Variants in TCF20 observed in about 807,000 individuals in gnomAD.
TCF20 encodes transcription factor 20, also known as SPRE-binding protein.
A neutral mutation model predicts 148.6 loss-of-function variants in TCF20; 3 were observed. That is an observed-to-expected ratio of 0.02 (90% CI 0.01 to 0.05). The LOEUF (loss-of-function observed/expected upper bound fraction) is 0.05. Among genes scored for constraint, TCF20 ranks in the 10% least tolerant of loss-of-function variants. TCF20 has a pLI of 1.00. For missense variants in TCF20, 2,350 were observed against 2,429.3 expected (o/e 0.97, Z 0.69); for synonymous variants, 1,049 against 909.5 (o/e 1.15, Z -2.76).
At chr22:42,293,665 C>A (rs1662248363) in intron 1 of TCF20, among the ~76,000 whole-genome samples, 1 of 152,238 alleles carries the variant, frequency 6.6e-6, no homozygotes, top group African/African-American at 2.4e-5. Context: ...TAAGGGCAGG[C>A]CTGGGGAGGC....
chr22:42,201,565 C>T (rs891364717), intron 2 of TCF20, among the ~76,000 whole-genome samples: 3 of 152,014 alleles, frequency 2.0e-5, no homozygotes, highest in Non-Finnish European at 2.9e-5. Context: ...GTCAGGAGTT[C>T]GAGATCAGCC....
intron 1 of TCF20, among the ~76,000 whole-genome samples, chr22:42,248,730 G>A (rs549635942): frequency 3.3e-5 from 5 of 152,132 alleles, no homozygotes; most frequent in Non-Finnish European, 7.4e-5. Flanking sequence ...AATCCCAAAA[G>A]CCGAATTTTG....
Position 42,214,602 on chromosome 22 carries a change from T to TAAG in TCF20, c.703_704insCTT (p.His234_Tyr235insSer). The TAAG allele has an allele frequency of 1.2e-6, 2 of 1,614,086 alleles. No individual in the cohort carries two copies. The highest frequency in any genetic ancestry group is 1.7e-6 in the Non-Finnish European group (2 of 1,180,012). ...GGAGGAGGAGGAAGCAGAAGACTGA[T>TAAG]AGTGTTGGCCAAACTGACCCACTCT... On this transcript the variant is annotated inframe_insertion, in exon 2 of 6. Transcript: ENST00000677622.
Position 42,249,567 on chromosome 22 carries a change from T to C in TCF20, c.-37+20772A>G, listed in dbSNP as rs533068982. 1.5e-4 allele frequency among the ~76,000 whole-genome samples: 23 copies of C among 152,350 alleles called. No homozygotes were observed. In the South Asian group the frequency reaches 4.8e-3, roughly 32 times the overall value. On this transcript the variant is annotated intron_variant, in intron 1 of 5. Transcript: ENST00000677622. Reference sequence around the variant, plus strand: ...TAAAAGTTTAAAAGCTAATTATCACTGGTGCTGCAAAAGCAGAAATTGCAA... The same window carrying C: ...TAAAAGTTTAAAAGCTAATTATCACCGGTGCTGCAAAAGCAGAAATTGCAA...
intron 1 of TCF20, among the ~76,000 whole-genome samples, chr22:42,242,706 G>A (rs1165651644): frequency 6.6e-6 from 1 of 152,050 alleles, no homozygotes; most frequent in Non-Finnish European, 1.5e-5. Flanking sequence ...GGCCAACATG[G>A]TGAAACCCCA....
chr22:42,193,315 C>T (rs1345552064), intron 2 of TCF20, among the ~76,000 whole-genome samples: 2 of 149,784 alleles, frequency 1.3e-5, no homozygotes, highest in Admixed American at 6.6e-5. Flanking sequence ...GATAGGGTCT[C>T]GCTCTGTCAC....
intron 1 of TCF20, among the ~76,000 whole-genome samples, chr22:42,216,355 T>C (rs958959451): frequency 6.6e-6 from 1 of 152,170 alleles, no homozygotes; most frequent in Non-Finnish European, 1.5e-5. Flanking sequence ...GCCAGAGAAC[T>C]GCAGCCAATT....
chr22:42,328,524 T>C (rs955072772), intron 1 of TCF20, among the ~76,000 whole-genome samples: 2 of 151,970 alleles, frequency 1.3e-5, no homozygotes, highest in Non-Finnish European at 2.9e-5. Context: ...CTTCCCACCT[T>C]CATCTCTTGG....
rs1920933733 is a variant in TCF20 at position 42,210,363 on chromosome 22, G to A, written c.4943C>T (p.Thr1648Ile). The A allele has an allele frequency of 1.9e-6, 3 of 1,614,058 alleles. No individual in the cohort carries two copies. In the African/African-American group the frequency reaches 4.0e-5, roughly 22 times the overall value. ...VNKCELGAVC[T>I]IINAEEEEQT... ...TTCTTCTTCCTCAGCATTGATGATTGTACAAACGGCTCCAAGTTCACACTT... is the reference window on the plus strand; with the variant it reads ...TTCTTCTTCCTCAGCATTGATGATTATACAAACGGCTCCAAGTTCACACTT... The change falls in exon 2 of 6, where the codon ACA (threonine) becomes ATA (isoleucine). Residue 1648 changes from threonine (T) to isoleucine (I), a missense_variant. By Grantham distance (89) the Thr-to-Ile change is moderately conservative. Coordinates refer to ENST00000677622, the MANE Select transcript of TCF20 (RefSeq NM_001378418.1). The surrounding 1 kb of genome is among the most constrained non-coding windows in gnomAD (Gnocchi z 4.7).
upstream of TCF20, among the ~76,000 whole-genome samples, chr22:42,284,154 G>T (rs564991759): frequency 2.5e-4 from 38 of 152,104 alleles, no homozygotes; most frequent in Non-Finnish European, 5.1e-4. Context: ...GGGAGCACCC[G>T]ATCCCCCCTC....
At chr22:42,318,356 C>T (rs562508183) in intron 1 of TCF20, among the ~76,000 whole-genome samples, 6 of 152,086 alleles carry the variant, frequency 3.9e-5, no homozygotes, top group African/African-American at 1.4e-4. Flanking sequence ...AAGACTAGGG[C>T]GTACAGGGAA....
rs537601557 is a variant in TCF20 at position 42,279,434 on chromosome 22, G to A, written c.-37+4393C>T. 4.1e-4 allele frequency among the ~76,000 whole-genome samples: 62 copies of A among 152,206 alleles called. No individual in the cohort carries two copies. The highest frequency in any genetic ancestry group is 1.3e-3 in the African/African-American group (56 of 41,522). Reference sequence around the variant, plus strand: ...AGAGGTTGCAGTGAGCAGAGATTGCGCCACTGCACTCCAGTCTGGGCAACA... The same window carrying A: ...AGAGGTTGCAGTGAGCAGAGATTGCACCACTGCACTCCAGTCTGGGCAACA... On this transcript the variant is annotated intron_variant, in intron 1 of 5. Coordinates refer to the TCF20 transcript ENST00000359486. This position sits in a 1 kb window ranked among gnomAD's most constrained non-coding sequence, Gnocchi z 4.3.
intron 1 of TCF20, among the ~76,000 whole-genome samples, chr22:42,216,353 A>G (rs1202070431): frequency 6.6e-6 from 1 of 152,102 alleles, no homozygotes; most frequent in African/African-American, 2.4e-5. Flanking sequence ...TGGCCAGAGA[A>G]CTGCAGCCAA....
intron 2 of TCF20, among the ~76,000 whole-genome samples, chr22:42,205,761 C>G (rs1397122910): frequency 1.3e-5 from 2 of 152,096 alleles, no homozygotes; most frequent in Non-Finnish European, 2.9e-5. Flanking sequence ...AAAGAGACAA[C>G]AAGCCTAACT....
At position 42,210,286 on chromosome 22, in the gene TCF20, G is replaced by C; in HGVS notation, c.5020C>G (p.Pro1674Ala). Residue 1674 changes from proline to alanine, a missense_variant, in exon 2 of 6, where the codon CCT becomes GCT. This residue lies in a region of TCF20 where 374 missense variants were observed against 398.3 expected (regional missense o/e 0.94). Coordinates refer to ENST00000677622, the MANE Select transcript of TCF20 (RefSeq NM_001378418.1). This position sits in a 1 kb window ranked among gnomAD's most constrained non-coding sequence, Gnocchi z 4.7. ...RKGQRSLTPP[P>A]SSTESKALPA... ...AGCGCCTTGCTTTCAGTGCTGCTAG[G>C]TGGAGGGGTCAGTGACCTCTGACCC... The C allele has an allele frequency of 6.2e-7, 1 of 1,614,192 alleles. No homozygotes were observed. The highest frequency in any genetic ancestry group is 8.5e-7 in the Non-Finnish European group (1 of 1,180,048).
rs760303867 is a variant in TCF20, at chr22:42,210,118, C to T, written c.5188G>A (p.Ala1730Thr). 2 of 1,614,052 alleles carry T rather than the reference C, an allele frequency of 1.2e-6. No individual in the cohort carries two copies. The highest frequency in any genetic ancestry group is 1.7e-6 in the Non-Finnish European group (2 of 1,180,062). ...LFGPFYPQDY[A>T]ATLPKNPPPK... ...GGTGGATTCTTCGGGAGAGTGGCTG[C>T]ATAATCTTGGGGATAAAAAGGTCCA... The change falls in exon 2 of 6, where the codon GCA becomes ACA. Residue 1730 changes from alanine to threonine, a missense_variant. By Grantham distance (58) the Ala-to-Thr change is moderately conservative. Around this residue, in one of 7 missense-constraint regions of TCF20, gnomAD observed 374 missense variants for 398.3 expected, o/e 0.94. Transcript: ENST00000677622. The surrounding 1 kb of genome is among the most constrained non-coding windows in gnomAD (Gnocchi z 4.7).
At chr22:42,289,890 G>A (rs1206329479) in intron 1 of TCF20, among the ~76,000 whole-genome samples, 2 of 152,190 alleles carry the variant, frequency 1.3e-5, no homozygotes, top group Non-Finnish European at 2.9e-5. Flanking sequence ...AGAGCCCTGC[G>A]GACCCCGGAG....
intron 1 of TCF20, among the ~76,000 whole-genome samples, chr22:42,252,302 T>G (rs1425872465): frequency 1.4e-5 from 2 of 145,916 alleles, no homozygotes; most frequent in Non-Finnish European, 3.0e-5. Flanking sequence ...AAGAAAAAAA[T>G]AAAAAAAAGA....
At chr22:42,336,786 C>T (rs2147061847) in intron 1 of TCF20, among the ~76,000 whole-genome samples, 1 of 152,324 alleles carries the variant, frequency 6.6e-6, no homozygotes, top group East Asian at 1.9e-4. Context: ...GCTCTTCCCC[C>T]TGACCTCCCT....
Sources: allele counts gnomAD v4.1 joint callset (sites outside exome capture counted in the v4.1 genomes callset), GRCh38; gene constraint gnomAD v4.1.1; regional missense constraint gnomAD v4.1.1; non-coding constraint Gnocchi (gnomAD v3.1); transcripts MANE v1.5; gene names NCBI Gene and HGNC (gene_info 2026-07-23, HGNC 2026-07-21).